Variants in LRMDA observed in about 807,000 individuals in gnomAD.
LRMDA encodes leucine-rich melanocyte differentiation-associated protein.
A neutral mutation model predicts 29.8 loss-of-function variants in LRMDA; 18 were observed. That is an observed-to-expected ratio of 0.60 (90% confidence interval 0.42 to 0.90). LRMDA has a LOEUF of 0.90. Ranked by LOEUF, LRMDA falls within the 40% of genes least tolerant of loss-of-function variation. LRMDA has a pLI of 0.00. For missense variants in LRMDA, 273 were observed against 273.9 expected, an observed-to-expected ratio of 1.00 and a Z score of 0.02; for synonymous variants, 125 against 109.4, an observed-to-expected ratio of 1.14 and a Z score of -0.89.
At chr10:75,682,434 G>GT (rs1564538696) in intron 2 of LRMDA, among the ~76,000 whole-genome samples, 27 of 150,146 alleles carry the variant, frequency 1.8e-4, no homozygotes, top group East Asian at 1.6e-3. Flanking sequence ...TGTGTGTGGG[G>GT]GTGTGTGTGT....
intron 2 of LRMDA, among the ~76,000 whole-genome samples, chr10:75,675,615 A>G (rs748314239): frequency 2.0e-5 from 3 of 152,164 alleles, no homozygotes; most frequent in Admixed American, 6.5e-5. Flanking sequence ...GTCACTAACT[A>G]CCTGTACCCC....
chr10:76,254,335 C>CATACCATACCATACA (rs1852544851), intron 5 of LRMDA, among the ~76,000 whole-genome samples: 1 of 136,250 alleles, frequency 7.3e-6, no homozygotes, highest in Non-Finnish European at 1.6e-5. Flanking sequence ...CATACCATAC[C>CATACCATACCATACA]ATACCATCCT....
chr10:75,630,351 G>A (rs569333355), intron 2 of LRMDA, among the ~76,000 whole-genome samples: 15 of 152,336 alleles, frequency 9.8e-5, no homozygotes, highest in African/African-American at 1.9e-4. Context: ...GCATAGTTTC[G>A]GAGACCAGTC....
chr10:76,424,347 G>T (rs952068747), intron 6 of LRMDA, among the ~76,000 whole-genome samples: 1 of 151,920 alleles, frequency 6.6e-6, no homozygotes, highest in Admixed American at 6.6e-5. Context: ...GACAAATATG[G>T]TGAAACCCTG....
chr10:75,454,332 G>A (rs370590357), intron 2 of LRMDA, among the ~76,000 whole-genome samples: 19 of 152,114 alleles, frequency 1.2e-4, no homozygotes, highest in African/African-American at 4.6e-4. Flanking sequence ...AGGAATTCTG[G>A]CTTCTGCAAC....
chr10:75,879,222 C>T (rs994487086), intron 2 of LRMDA, among the ~76,000 whole-genome samples: 7 of 152,120 alleles, frequency 4.6e-5, no homozygotes, highest in African/African-American at 9.7e-5. Context: ...CAAGGGGCAG[C>T]GAGGCCCAGA....
intron 5 of LRMDA, among the ~76,000 whole-genome samples, chr10:76,296,058 A>G (rs1467251540): frequency 6.6e-6 from 1 of 152,128 alleles, no homozygotes; most frequent in Non-Finnish European, 1.5e-5. Flanking sequence ...CATTTTATTG[A>G]TTTACTGATT....
intron 2 of LRMDA, among the ~76,000 whole-genome samples, chr10:75,568,872 G>C (rs779167567): frequency 3.3e-5 from 5 of 152,194 alleles, no homozygotes; most frequent in Non-Finnish European, 7.3e-5. Context: ...TAACTCACTT[G>C]TGTCTGTACA....
At chr10:76,137,376 G>A (rs917303614) in intron 5 of LRMDA, among the ~76,000 whole-genome samples, 24 of 152,206 alleles carry the variant, frequency 1.6e-4, no homozygotes, top group Non-Finnish European at 3.2e-4. Context: ...ACTTGATGAG[G>A]TCTTACTTAA....
At chr10:76,280,281 G>A (rs888296777) in intron 5 of LRMDA, among the ~76,000 whole-genome samples, 2 of 152,110 alleles carry the variant, frequency 1.3e-5, no homozygotes, top group Admixed American at 6.5e-5. Context: ...ATGAAGGGCA[G>A]GTATTGAGCA....
chr10:75,431,715 C>T lies in LRMDA; in HGVS notation c.-10C>T. 1.5e-6 allele frequency: 2 copies of T among 1,350,672 alleles called. No homozygotes were observed. Among genetic ancestry groups the T allele is most frequent in the African/African-American group, 1.5e-5 (1 of 66,588 alleles). The allele number at this position is 1,350,672 out of a possible 1,614,324, so 83.7% of individuals were successfully genotyped here. A position where few individuals can be genotyped will look rare whatever the true frequency, so the allele number is the denominator to read the frequency against. ...GCTCCGTCCCGCGCGCCCGCAGCGTCCTGGCCGCCATGGCCGGGCTCGTGG... is the reference window on the plus strand; with the variant it reads ...GCTCCGTCCCGCGCGCCCGCAGCGTTCTGGCCGCCATGGCCGGGCTCGTGG... On this transcript the variant is annotated 5_prime_UTR_variant, in exon 1 of 7. Transcript: ENST00000611255.
chr10:76,230,585 C>T (rs1182669700), intron 5 of LRMDA, among the ~76,000 whole-genome samples: 3 of 149,930 alleles, frequency 2.0e-5, no homozygotes, highest in East Asian at 1.9e-4. Context: ...AAATCCCATG[C>T]ATGAATAAAA....
chr10:76,084,729 T>C (rs953303957), intron 5 of LRMDA, among the ~76,000 whole-genome samples: 4 of 152,208 alleles, frequency 2.6e-5, no homozygotes, highest in African/African-American at 9.7e-5. Context: ...TTAGCCACTG[T>C]TAAGACATTA....
chr10:75,563,330 G>C (rs1298988826), intron 2 of LRMDA, among the ~76,000 whole-genome samples: 1 of 151,998 alleles, frequency 6.6e-6, no homozygotes, highest in Non-Finnish European at 1.5e-5. Context: ...ATTGGCTCCT[G>C]AGGCTTCTGC....
chr10:75,825,149 G>A (rs948444395), intron 2 of LRMDA, among the ~76,000 whole-genome samples: 2 of 152,264 alleles, frequency 1.3e-5, no homozygotes, highest in Middle Eastern at 3.4e-3. Flanking sequence ...GCCCACACCC[G>A]AGACCGCCCT....
chr10:76,397,582 G>T lies in LRMDA; in HGVS notation c.601+73097G>T, dbSNP rs145571858. On this transcript the variant is annotated intron_variant, in intron 6 of 6. Coordinates refer to ENST00000611255, the MANE Select transcript of LRMDA (RefSeq NM_001305581.2). ...TAATTTATTTTACGATTCCCTCTCG[G>T]CACCAGGTCTGGGCTAACCTTGAGT... Among the ~76,000 whole-genome samples the T allele has an allele frequency of 1.1e-4, 17 of 152,308 alleles. 1 individual carries two copies. Among genetic ancestry groups the T allele is most frequent in the African/African-American group, 3.6e-4 (15 of 41,576 alleles).
chr10:75,757,107 C>T (rs1589189697), intron 2 of LRMDA, among the ~76,000 whole-genome samples: 1 of 152,168 alleles, frequency 6.6e-6, no homozygotes, highest in Admixed American at 6.5e-5. Flanking sequence ...AAGAGACAGC[C>T]ACAATGGGGA....
chr10:76,499,228 A>G lies in LRMDA; in HGVS notation c.602-57981A>G, dbSNP rs777715697. Among the ~76,000 whole-genome samples the G allele has an allele frequency of 4.0e-5, 3 of 74,688 alleles. 1 individual carries two copies. The highest frequency in any genetic ancestry group is 8.9e-5 in the Non-Finnish European group (2 of 22,452). 49.0% of individuals were successfully genotyped at this position (74,688 alleles called of 152,430 possible). A position where few individuals can be genotyped will look rare whatever the true frequency, so the allele number is the denominator to read the frequency against. On this transcript the variant is annotated intron_variant, in intron 6 of 6. Transcript: ENST00000611255. ...TTTTGTCACCCCCATAAGCTGCCCT[A>G]TATCATGAGCTGTCACTCTCCATTC... is the stretch of plus-strand genomic sequence containing the variant.
chr10:76,217,188 A>T (rs1212725059), intron 5 of LRMDA, among the ~76,000 whole-genome samples: 1 of 152,212 alleles, frequency 6.6e-6, no homozygotes, highest in Non-Finnish European at 1.5e-5. Flanking sequence ...GTATGTATGT[A>T]TATGGTATAA....
Sources: allele counts gnomAD v4.1 joint callset (sites outside exome capture counted in the v4.1 genomes callset), GRCh38; gene constraint gnomAD v4.1.1; transcripts MANE v1.5; gene names NCBI Gene and HGNC (gene_info 2026-07-23, HGNC 2026-07-21).